The following ERC1 variants were observed in gnomAD, a reference collection of about 807,000 sequenced individuals.
ERC1 encodes the protein RAB6 interacting protein 2.
ERC1 carries 56 observed loss-of-function variants against 132.0 expected under a neutral mutation model. The ratio of observed to expected loss-of-function variants is 0.42; its 90% confidence interval spans 0.34 to 0.53. The LOEUF is 0.53. Ranked by LOEUF, ERC1 falls within the 20% of genes least tolerant of loss-of-function variation. ERC1 has a pLI of 0.03. For missense variants in ERC1, 1,202 were observed against 1,349.9 expected, an observed-to-expected ratio of 0.89 and a Z score of 1.72; for synonymous variants, 478 against 476.1, an observed-to-expected ratio of 1.00 and a Z score of -0.05.
At chr12:1,370,920 C>G (rs11061717) in intron 15 of ERC1, among the ~76,000 whole-genome samples, 17,247 of 152,062 alleles carry the variant, frequency 0.11, 2,425 homozygotes, top group African/African-American at 0.33. Context: ...GCCATGTTGC[C>G]CAGGCTGGTC....
chr12:1,057,803 C>A (rs553806391), intron 2 of ERC1, among the ~76,000 whole-genome samples: 4 of 152,030 alleles, frequency 2.6e-5, no homozygotes, highest in African/African-American at 9.6e-5. Context: ...ACCATATTTG[C>A]CAGGATGCTC....
intron 17 of ERC1, 52 bp from the exon 18 acceptor site, chr12:1,444,510 T>A: frequency 3.0e-6 from 4 of 1,328,784 alleles, no homozygotes; most frequent in Non-Finnish European, 4.2e-6. Context: ...CATTTCAGAC[T>A]GACCTTGACT....
chr12:1,002,183 T>G (rs1212729414), intron 1 of ERC1, among the ~76,000 whole-genome samples: 1 of 124,850 alleles, frequency 8.0e-6, no homozygotes, highest in Admixed American at 8.1e-5. Flanking sequence ...TTTTTTTTTT[T>G]TTTTTTTTTT....
intron 17 of ERC1, among the ~76,000 whole-genome samples, chr12:1,437,091 T>C (rs770797883): frequency 1.1e-4 from 16 of 152,242 alleles, no homozygotes; most frequent in African/African-American, 3.6e-4. Flanking sequence ...TTTTCTCGTC[T>C]TTGTTAACTC....
chr12:1,201,478 C>G (rs1041680374), intron 12 of ERC1, among the ~76,000 whole-genome samples: 1 of 152,088 alleles, frequency 6.6e-6, no homozygotes, highest in Non-Finnish European at 1.5e-5. Flanking sequence ...AATGTATTTA[C>G]TAGTATAAAT....
intron 18 of ERC1, among the ~76,000 whole-genome samples, chr12:1,476,637 T>C (rs1243446296): frequency 6.6e-6 from 1 of 152,150 alleles, no homozygotes; most frequent in African/African-American, 2.4e-5. Context: ...GAGTCCCCAG[T>C]ATGTTCAGAG....
intron 15 of ERC1, among the ~76,000 whole-genome samples, chr12:1,305,419 C>T (rs1260242662): frequency 6.6e-6 from 1 of 152,112 alleles, no homozygotes; most frequent in Admixed American, 6.5e-5. Flanking sequence ...TAACTTTATG[C>T]AGAAAGGTTA....
intron 1 of ERC1, among the ~76,000 whole-genome samples, chr12:1,022,019 A>G (rs1375866106): frequency 6.6e-6 from 1 of 152,186 alleles, no homozygotes; most frequent in Non-Finnish European, 1.5e-5. Flanking sequence ...CTTTAGTGTG[A>G]TACACTGTGA....
At chr12:1,302,496 G>A (rs1170505258) in intron 15 of ERC1, among the ~76,000 whole-genome samples, 2 of 151,986 alleles carry the variant, frequency 1.3e-5, no homozygotes, top group African/African-American at 2.4e-5. Context: ...AAAGAAGGAG[G>A]GAAAAAGCAT....
rs1266567115 is a variant in ERC1 at position 1,484,470 on chromosome 12, C to T, written c.3214-5623C>T. ...TTGGCTGATGAGACCAAATTGCTCA[C>T]CTCCCTACAATTGTCCCACAGGTCG... On this transcript the variant is annotated intron_variant, in intron 18 of 18. Coordinates refer to ENST00000360905, the MANE Select transcript of ERC1 (RefSeq NM_178040.4). Among the ~76,000 whole-genome samples, 4 of 152,316 alleles carry T rather than the reference C, an allele frequency of 2.6e-5. No homozygotes were observed. In the East Asian group the frequency reaches 5.8e-4, roughly 22 times the overall value.
intron 17 of ERC1, among the ~76,000 whole-genome samples, chr12:1,409,958 C>T (rs2091747036): frequency 6.6e-6 from 1 of 152,124 alleles, no homozygotes; most frequent in Admixed American, 6.5e-5. Flanking sequence ...ATCTGCCCGC[C>T]TTGGCCTCCC....
chr12:1,261,318 T>C (rs2077129169), intron 13 of ERC1, among the ~76,000 whole-genome samples: 1 of 152,186 alleles, frequency 6.6e-6, no homozygotes. Flanking sequence ...TTTCCGTAAG[T>C]TGCTAATGAG....
intron 12 of ERC1, among the ~76,000 whole-genome samples, chr12:1,195,318 A>T (rs1297658200): frequency 6.6e-6 from 1 of 152,168 alleles, no homozygotes; most frequent in Admixed American, 6.5e-5. Flanking sequence ...CTACTTTTAA[A>T]ATTAATTTTA....
intron 12 of ERC1, among the ~76,000 whole-genome samples, chr12:1,223,962 G>C (rs1189999045): frequency 6.6e-6 from 1 of 152,060 alleles, no homozygotes; most frequent in African/African-American, 2.4e-5. Flanking sequence ...TGAGAATTTA[G>C]ATTCAAATCA....
intron 12 of ERC1, among the ~76,000 whole-genome samples, chr12:1,200,981 A>G (rs554943113): frequency 2.8e-4 from 43 of 152,346 alleles, no homozygotes; most frequent in African/African-American, 1.0e-3. Flanking sequence ...TTTTATATGT[A>G]CATAGTATGT....
At chr12:1,279,578 G>A (rs1323115587) in intron 14 of ERC1, among the ~76,000 whole-genome samples, 1 of 151,456 alleles carries the variant, frequency 6.6e-6, no homozygotes, top group African/African-American at 2.4e-5. Flanking sequence ...AAGTCCAGTG[G>A]AAACAAACCT....
intron 7 of ERC1, among the ~76,000 whole-genome samples, chr12:1,131,010 T>C (rs769605330): frequency 1.3e-5 from 2 of 152,212 alleles, no homozygotes; most frequent in Non-Finnish European, 2.9e-5. Context: ...TACTGTGGAA[T>C]ACAGGAAAAT....
At chr12:1,138,173 A>G (rs1377768136) in intron 7 of ERC1, among the ~76,000 whole-genome samples, 2 of 90,996 alleles carry the variant, frequency 2.2e-5, no homozygotes, top group African/African-American at 9.6e-5. Context: ...ATATAATTGT[A>G]TATAATATAT....
intron 12 of ERC1, among the ~76,000 whole-genome samples, chr12:1,204,864 C>T (rs1019079394): frequency 2.0e-5 from 3 of 151,932 alleles, no homozygotes; most frequent in African/African-American, 4.8e-5. Context: ...GGTAAAGTGC[C>T]GCAAAAATGA....
Sources: gnomAD v4.1 joint callset for allele counts (sites outside exome capture counted in the v4.1 genomes callset) on GRCh38, gnomAD v4.1.1 for gene constraint, MANE v1.5 for transcripts, NCBI Gene and HGNC (gene_info 2026-07-23, HGNC 2026-07-21) for gene names.